NUDT4: variants seen among roughly 807,000 people sequenced by gnomAD.
NUDT4 encodes nudix hydrolase 4, also known as diphosphoinositol polyphosphate phosphohydrolase 2.
A neutral mutation model predicts 23.1 loss-of-function variants in NUDT4; 5 were observed. The ratio of observed to expected loss-of-function variants is 0.22; its 90% CI spans 0.11 to 0.46. The LOEUF (loss-of-function observed/expected upper bound fraction) is 0.46. Ranked by LOEUF, NUDT4 falls within the 20% of genes least tolerant of loss-of-function variation. The pLI, the probability that NUDT4 is intolerant of heterozygous loss-of-function variation, is 0.99. For missense variants in NUDT4, 96 were observed against 211.6 expected (o/e 0.45, Z 3.39); for synonymous variants, 50 against 79.0 (o/e 0.63, Z 1.95).
rs63244760 is a variant in NUDT4, at chr12:93,402,856, G to GC, written c.*3478dup. On this transcript the variant is annotated 3_prime_UTR_variant, in exon 5 of 5. Transcript: ENST00000415493. The stretch of plus-strand genomic sequence containing the variant: ...TGGCTAAGTCACCGCCCCACCCGCC[G>GC]CATTACATTTCCTAAAACATACTGC... 60,754 of 151,366 alleles carry GC rather than the reference G, an allele frequency of 0.4. 13,625 individuals are homozygous for GC. Among genetic ancestry groups the GC allele is most frequent in the African/African-American group, 0.6 (24,735 of 41,214 alleles). The allele number at this position is 151,366 out of a possible 1,614,324, so 9.4% of individuals were successfully genotyped here.
intron 1 of NUDT4, among the ~76,000 whole-genome samples, chr12:93,380,750 T>C (rs1020401439): frequency 3.3e-5 from 5 of 152,220 alleles, no homozygotes; most frequent in African/African-American, 1.2e-4. Context: ...TTCTATTGTT[T>C]CTCTATGAAT....
intron 1 of NUDT4, among the ~76,000 whole-genome samples, chr12:93,386,724 C>T (rs768812584): frequency 2.0e-5 from 3 of 151,924 alleles, no homozygotes; most frequent in Non-Finnish European, 2.9e-5. Flanking sequence ...ATGTAAGAAA[C>T]AAAATTTCCA....
At chr12:93,387,078 T>C (rs1292976198) in intron 1 of NUDT4, among the ~76,000 whole-genome samples, 2 of 152,108 alleles carry the variant, frequency 1.3e-5, no homozygotes, top group Non-Finnish European at 2.9e-5. Flanking sequence ...ATTACAGGCG[T>C]GCACCACCAT....
In NUDT4 at chr12:93,379,192, A is replaced by G. The variant is rs79476561; in HGVS notation, c.99+771A>G. Among the ~76,000 whole-genome samples the G allele has an allele frequency of 8.1e-3, 1,234 of 152,268 alleles. 17 individuals carry two copies. The highest frequency in any genetic ancestry group is 0.029 in the African/African-American group (1,190 of 41,540). On this transcript the variant is annotated intron_variant, in intron 1 of 4. Transcript: ENST00000415493. ...AAGGAGTAGCCTTTCTCGTTCTCAG[A>G]GCAGTCGTTCTTGGATAATTTACCC...
intron 3 of NUDT4, among the ~76,000 whole-genome samples, chr12:93,397,322 C>T (rs1234768015): frequency 6.6e-6 from 1 of 152,086 alleles, no homozygotes; most frequent in Non-Finnish European, 1.5e-5. Context: ...TGTTTTTATT[C>T]CTTCTCAGAT....
At position 93,399,458 on chromosome 12, in the gene NUDT4, T is replaced by C. The variant is rs1191209447; in HGVS notation, c.*79T>C. 8 of 476,124 alleles carry C rather than the reference T, an allele frequency of 1.7e-5. No individual in the cohort carries two copies. The highest frequency in any genetic ancestry group is 1.4e-4 in the African/African-American group (6 of 44,082). 29.5% of individuals were successfully genotyped at this position (476,124 alleles called of 1,614,324 possible). ...TTTCGTTTCCTCGTCAAACATCTGA[T>C]TGACGCTTGCAAACTGTCTGAATTT... On this transcript the variant is annotated 3_prime_UTR_variant, in exon 5 of 5. Transcript: ENST00000415493.
intron 1 of NUDT4, among the ~76,000 whole-genome samples, chr12:93,392,248 C>CG: frequency 7.3e-6 from 1 of 137,688 alleles, no homozygotes; most frequent in East Asian, 2.5e-4. Context: ...TTGTTTCCCC[C>CG]CCCCCCTTTT....
At position 93,382,674 on chromosome 12, in the gene NUDT4, CTTTTTTTT is replaced by C. The variant is rs11315217; in HGVS notation, c.99+4266_99+4273del. ...AAAATAAGTACTATCCAAAGGTAGCCTTTTTTTTTTTTTTTTTTTTGAGACAGAGTCTC... is the reference window on the plus strand; with the variant it reads ...AAAATAAGTACTATCCAAAGGTAGCCTTTTTTTTTTTTGAGACAGAGTCTC... On this transcript the variant is annotated intron_variant, in intron 1 of 4. Coordinates refer to ENST00000415493, the MANE Select transcript of NUDT4 (RefSeq NM_019094.6). 6.2e-4 allele frequency among the ~76,000 whole-genome samples: 69 copies of C among 111,644 alleles called. 1 individual carries two copies. The highest frequency in any genetic ancestry group is 2.3e-3 in the African/African-American group (65 of 28,472). 73.2% of individuals were successfully genotyped at this position (111,644 alleles called of 152,430 possible). A position where few individuals can be genotyped will look rare whatever the true frequency, so the allele number is the denominator to read the frequency against.
rs1877170564 is a variant in NUDT4, at chr12:93,399,232, T to C, written c.396T>C (p.His132=). The C allele has an allele frequency of 6.5e-7, 1 of 1,542,490 alleles. No individual in the cohort carries two copies. The highest frequency in any genetic ancestry group is 9.0e-7 in the Non-Finnish European group (1 of 1,115,780). The change falls in exon 5 of 5, where the codon CAT becomes CAC. Residue 132 remains histidine (H), a synonymous_variant. Coordinates refer to ENST00000415493, the MANE Select transcript of NUDT4 (RefSeq NM_019094.6). The stretch of plus-strand genomic sequence containing the variant: ...ATGCTATCAAAGTTCTCCAGTGTCA[T>C]AAACCTGTACATGCAGAGTATCTGG... ...VEDAIKVLQC[H]KPVHAEYLEK...
rs1182510806 is a variant in NUDT4, at chr12:93,404,235, CAA to C, written c.*4858_*4859del. On this transcript the variant is annotated 3_prime_UTR_variant, in exon 5 of 5. Coordinates refer to ENST00000415493, the MANE Select transcript of NUDT4 (RefSeq NM_019094.6). ...TTCAACGTATCTACGGGAATGTGGA[CAA>C]AGACATATACCAAGACAAGGCACTA... 3.3e-5 allele frequency: 5 copies of C among 152,154 alleles called. No homozygotes were observed. Among genetic ancestry groups the C allele is most frequent in the Non-Finnish European group, 2.9e-5 (2 of 68,004 alleles). 9.4% of individuals were successfully genotyped at this position (152,154 alleles called of 1,614,324 possible). A position where few individuals can be genotyped will look rare whatever the true frequency, so the allele number is the denominator to read the frequency against.
chr12:93,393,410 A>G (rs961223183), intron 1 of NUDT4, among the ~76,000 whole-genome samples: 5 of 152,036 alleles, frequency 3.3e-5, no homozygotes, highest in Non-Finnish European at 5.9e-5. Context: ...GCCACATTTC[A>G]ATCTTAATGC....
At chr12:93,393,566 G>A (rs1221384271) in intron 1 of NUDT4, among the ~76,000 whole-genome samples, 1 of 152,160 alleles carries the variant, frequency 6.6e-6, no homozygotes, top group Non-Finnish European at 1.5e-5. Flanking sequence ...AAATGAGTAA[G>A]TGACTCGATT....
At chr12:93,397,714 G>A (rs1877035502) in intron 3 of NUDT4, among the ~76,000 whole-genome samples, 2 of 152,070 alleles carry the variant, frequency 1.3e-5, no homozygotes, top group South Asian at 4.2e-4. Flanking sequence ...TAGTAGAGAC[G>A]GGGTTTCACC....
chr12:93,379,211 T>C (rs1445887196), intron 1 of NUDT4, among the ~76,000 whole-genome samples: 2 of 152,186 alleles, frequency 1.3e-5, no homozygotes, highest in African/African-American at 2.4e-5. Flanking sequence ...TCTTGGATAA[T>C]TTACCCATCT....
At position 93,388,378 on chromosome 12, in the gene NUDT4, A is replaced by G. The variant is rs182726342; in HGVS notation, c.100-6231A>G. ...ACTGTATTCCAACCCCACCTCCAAGAATATAAGCTCTTTGAGGGAAAGATG... is the reference window on the plus strand; with the variant it reads ...ACTGTATTCCAACCCCACCTCCAAGGATATAAGCTCTTTGAGGGAAAGATG... On this transcript the variant is annotated intron_variant, in intron 1 of 4. Coordinates refer to ENST00000415493, the MANE Select transcript of NUDT4 (RefSeq NM_019094.6). Among the ~76,000 whole-genome samples, 3 of 152,370 alleles carry G rather than the reference A, an allele frequency of 2.0e-5. No homozygotes were observed. In the East Asian group the frequency reaches 5.8e-4, roughly 29 times the overall value.
At chr12:93,378,504 G>T (rs562342588) in intron 1 of NUDT4, 83 bp downstream of exon 1, 32 of 1,368,862 alleles carry the variant, frequency 2.3e-5, no homozygotes, top group East Asian at 2.1e-4. Context: ...CCGCCCCTGC[G>T]CAGGCTGCGG....
Position 93,407,797 on chromosome 12 carries a change from C to T in NUDT4, c.*8418C>T, listed in dbSNP as rs1053224969. 4.6e-5 allele frequency: 7 copies of T among 152,224 alleles called. No homozygotes were observed. The highest frequency in any genetic ancestry group is 1.3e-4 in the Admixed American group (2 of 15,276). The allele number at this position is 152,224 out of a possible 1,614,324, so 9.4% of individuals were successfully genotyped here. Reference sequence around the variant, plus strand: ...TGCAGTTTTCAACTGCTGCCTTGGCCTCTCCCAGAGCCCCTTAAGTCCTAA... The same window carrying T: ...TGCAGTTTTCAACTGCTGCCTTGGCTTCTCCCAGAGCCCCTTAAGTCCTAA... On this transcript the variant is annotated 3_prime_UTR_variant, in exon 5 of 5. Coordinates refer to ENST00000415493, the MANE Select transcript of NUDT4 (RefSeq NM_019094.6).
At chr12:93,396,410 G>A (rs1181135169) in intron 3 of NUDT4, among the ~76,000 whole-genome samples, 1 of 152,188 alleles carries the variant, frequency 6.6e-6, no homozygotes, top group African/African-American at 2.4e-5. Context: ...AGGAGGTCCA[G>A]ATGTATCTTC....
rs571189011 is a variant in NUDT4, at chr12:93,384,312, C to T, written c.99+5891C>T. ...CCTCCCGAGTAGCTGAGACTACAGG[C>T]GTGTGCTACCACGCCCAGCTAATTT... On this transcript the variant is annotated intron_variant, in intron 1 of 4. Coordinates refer to ENST00000415493, the MANE Select transcript of NUDT4 (RefSeq NM_019094.6). 3.3e-5 allele frequency among the ~76,000 whole-genome samples: 5 copies of T among 152,178 alleles called. No homozygotes were observed. In the South Asian group the frequency reaches 8.3e-4, roughly 25 times the overall value.
Sources: allele counts gnomAD v4.1 joint callset (sites outside exome capture counted in the v4.1 genomes callset), GRCh38; gene constraint gnomAD v4.1.1; transcripts MANE v1.5; gene names NCBI Gene and HGNC (gene_info 2026-07-23, HGNC 2026-07-21).